Variants in PDE4D observed in about 807,000 individuals in gnomAD.
The protein encoded by PDE4D is 3',5'-cyclic-AMP phosphodiesterase 4D.
A neutral mutation model predicts 87.4 loss-of-function variants in PDE4D; 24 were observed. That is an observed-to-expected ratio of 0.27 (90% CI 0.20 to 0.39). The LOEUF is 0.39. PDE4D is among the 10% of genes least tolerant of loss of function. The pLI is 1.00. For synonymous variants in PDE4D, 384 were observed against 383.2 expected (o/e 1.00, Z -0.02); for missense variants, 714 against 1,041.0 (o/e 0.69, Z 4.32).
chr5:59,085,333 G>A (rs1465635064), intron 5 of PDE4D, among the ~76,000 whole-genome samples: 1 of 152,014 alleles, frequency 6.6e-6, no homozygotes, highest in Non-Finnish European at 1.5e-5. Context: ...TCTCATTGTT[G>A]TTAGTAAAAC....
chr5:59,721,436 C>T (rs1755814887), intron 1 of PDE4D, among the ~76,000 whole-genome samples: 1 of 152,154 alleles, frequency 6.6e-6, no homozygotes. Context: ...TAAAAGCTAA[C>T]ATTTAATGAG....
intron 1 of PDE4D, among the ~76,000 whole-genome samples, chr5:59,791,264 T>C (rs189642855): frequency 6.6e-6 from 1 of 152,350 alleles, no homozygotes; most frequent in East Asian, 1.9e-4. Flanking sequence ...GAGAACACAT[T>C]ACTTATTAAA....
chr5:59,826,327 C>T (rs1770315188), intron 1 of PDE4D, among the ~76,000 whole-genome samples: 1 of 152,106 alleles, frequency 6.6e-6, no homozygotes, highest in Non-Finnish European at 1.5e-5. Flanking sequence ...TTTATTGTTT[C>T]ACTTCACCAA....
chr5:60,104,156 C>T (rs945566373), intron 2 of PDE4D, among the ~76,000 whole-genome samples: 19 of 152,184 alleles, frequency 1.2e-4, no homozygotes, highest in Non-Finnish European at 2.2e-4. Context: ...CACTCCCACC[C>T]AAATACTGCG....
intron 1 of PDE4D, among the ~76,000 whole-genome samples, chr5:59,596,407 C>G (rs187818092): frequency 6.6e-6 from 1 of 150,426 alleles, no homozygotes; most frequent in Admixed American, 6.6e-5. Flanking sequence ...GAATTGACTA[C>G]GCAGAGACAT....
chr5:60,107,079 T>G (rs1230730153), intron 2 of PDE4D, among the ~76,000 whole-genome samples: 1 of 152,076 alleles, frequency 6.6e-6, no homozygotes, highest in Non-Finnish European at 1.5e-5. Flanking sequence ...GCTGGTTTTT[T>G]GAAAAGATCA....
At chr5:60,401,254 GC>G (rs1263523347) in intron 1 of PDE4D, among the ~76,000 whole-genome samples, 1 of 152,180 alleles carries the variant, frequency 6.6e-6, no homozygotes, top group African/African-American at 2.4e-5. Flanking sequence ...CCGGCTTCAT[GC>G]TCCATACAGT....
intron 1 of PDE4D, among the ~76,000 whole-genome samples, chr5:59,484,139 A>C (rs567065941): frequency 6.6e-6 from 1 of 152,258 alleles, no homozygotes; most frequent in African/African-American, 2.4e-5. Flanking sequence ...GAGAATCCCA[A>C]CTATGTAAAA....
rs191016542 is a variant in PDE4D at position 59,249,841 on chromosome 5, C to T, written c.456-33873G>A. The stretch of plus-strand genomic sequence containing the variant: ...ATTTTTATTTTTTCTATACGTGTGT[C>T]GTATTGTGTGTGTGTGTATATGTGT... On this transcript the variant is annotated intron_variant, in intron 1 of 14. Coordinates refer to ENST00000340635, the MANE Select transcript of PDE4D (RefSeq NM_001104631.2). 9.6e-4 allele frequency among the ~76,000 whole-genome samples: 146 copies of T among 151,612 alleles called. 1 individual carries two copies. The highest frequency in any genetic ancestry group is 3.4e-3 in the African/African-American group (141 of 41,362).
chr5:58,999,412 A>C, intron 6 of PDE4D: 1 of 704,282 alleles, frequency 1.4e-6, no homozygotes, highest in Non-Finnish European at 2.4e-6. Context: ...AGTTTGAACA[A>C]ATTACAGTAG....
chr5:59,635,374 C>T (rs146884198), intron 1 of PDE4D, among the ~76,000 whole-genome samples: 18 of 152,292 alleles, frequency 1.2e-4, no homozygotes, highest in African/African-American at 4.3e-4. Flanking sequence ...GGGACTCCTC[C>T]CTAACTCGTT....
chr5:58,986,350 C>T (rs1022521504), intron 11 of PDE4D, among the ~76,000 whole-genome samples: 2 of 152,134 alleles, frequency 1.3e-5, no homozygotes, highest in African/African-American at 4.8e-5. Flanking sequence ...GCACAGGGAC[C>T]CTGATGCCAG....
intron 1 of PDE4D, among the ~76,000 whole-genome samples, chr5:59,351,165 G>T (rs1372142771): frequency 1.3e-5 from 2 of 152,122 alleles, no homozygotes; most frequent in East Asian, 3.9e-4. Context: ...ACGACCTTAT[G>T]AAGTAGATAT....
rs1022224063 is a variant in PDE4D, at chr5:60,303,434, G to A, written c.-89-117747C>T. On this transcript the variant is annotated intron_variant, in intron 1 of 16. Transcript: ENST00000502484. ...CGCCATTCTCCTGCCTCAGCCTCCC[G>A]TGTAGCTGGGACTACAGGCGCGCGC... Among the ~76,000 whole-genome samples, 5 of 150,016 alleles carry A rather than the reference G, an allele frequency of 3.3e-5. No individual in the cohort carries two copies. The South Asian group carries it at 6.3e-4, about 19-fold the overall frequency.
intron 5 of PDE4D, among the ~76,000 whole-genome samples, chr5:59,064,176 C>T (rs1763547978): frequency 6.6e-6 from 1 of 151,880 alleles, no homozygotes; most frequent in African/African-American, 2.4e-5. Flanking sequence ...GAGACAAAGA[C>T]ACTGACAAAG....
intron 1 of PDE4D, among the ~76,000 whole-genome samples, chr5:60,426,405 T>C (rs548699379): frequency 6.6e-6 from 1 of 152,206 alleles, no homozygotes; most frequent in South Asian, 2.1e-4. Flanking sequence ...CTGGAAACCA[T>C]CATTCTCAGC....
At chr5:59,552,623 T>A (rs1217072179) in intron 1 of PDE4D, among the ~76,000 whole-genome samples, 2 of 152,172 alleles carry the variant, frequency 1.3e-5, no homozygotes, top group East Asian at 3.9e-4. Flanking sequence ...TGCATCCTTT[T>A]AAAAAAAACT....
intron 3 of PDE4D, among the ~76,000 whole-genome samples, chr5:59,191,615 C>A (rs991947458): frequency 2.0e-5 from 3 of 151,954 alleles, no homozygotes; most frequent in Admixed American, 2.0e-4. Context: ...GTCACCCAGG[C>A]TGGAGTGCAG....
chr5:59,340,549 CT>C (rs908455605), intron 1 of PDE4D, among the ~76,000 whole-genome samples: 2 of 152,164 alleles, frequency 1.3e-5, no homozygotes, highest in African/African-American at 4.8e-5. Flanking sequence ...CAATTATACT[CT>C]TTAATTAAAA....
Sources: gnomAD v4.1 joint callset for allele counts (sites outside exome capture counted in the v4.1 genomes callset) on GRCh38, gnomAD v4.1.1 for gene constraint, MANE v1.5 for transcripts, NCBI Gene and HGNC (gene_info 2026-07-23, HGNC 2026-07-21) for gene names.